The following MTA3 variants were observed in gnomAD, a reference collection of about 807,000 sequenced individuals.
MTA3 encodes the protein metastasis associated 1 family member 3.
MTA3 carries 34 observed loss-of-function variants against 83.5 expected under a neutral mutation model. That is an observed-to-expected ratio of 0.41 (90% CI 0.31 to 0.54). MTA3 has a LOEUF of 0.54. Among genes scored for constraint, MTA3 ranks in the 20% least tolerant of loss-of-function variants. The probability of loss-of-function intolerance (pLI) is 0.33; values close to 1 mark genes in which losing one functional copy is unlikely to be tolerated. For synonymous variants in MTA3, 303 were observed against 252.7 expected, an observed-to-expected ratio of 1.20 and a Z score of -1.89; for missense variants, 761 against 726.4, an observed-to-expected ratio of 1.05 and a Z score of -0.55.
chr2:42,538,242 A>G (rs995045806), intron 2 of MTA3, among the ~76,000 whole-genome samples: 5 of 152,246 alleles, frequency 3.3e-5, no homozygotes, highest in South Asian at 4.1e-4. Flanking sequence ...CGAAAAATAA[A>G]TAAATAAAAT....
At chr2:42,638,660 A>G (rs1687412625) in intron 4 of MTA3, among the ~76,000 whole-genome samples, 1 of 151,862 alleles carries the variant, frequency 6.6e-6, no homozygotes, top group Non-Finnish European at 1.5e-5. Context: ...AGCTGGGCAC[A>G]ATTGTTGTCT....
intron 2 of MTA3, among the ~76,000 whole-genome samples, chr2:42,548,829 A>AATAT (rs71327611): frequency 1.2e-4 from 1 of 8,586 alleles, no homozygotes; most frequent in African/African-American, 2.9e-4. Flanking sequence ...ATATATATAT[A>AATAT]ATATATATAT....
At chr2:42,501,910 A>G (rs565537836) in intron 2 of MTA3, among the ~76,000 whole-genome samples, 1 of 152,272 alleles carries the variant, frequency 6.6e-6, no homozygotes, top group Admixed American at 6.5e-5. Context: ...CCTGGTAGAC[A>G]GAGGTTGAGG....
intron 2 of MTA3, among the ~76,000 whole-genome samples, chr2:42,517,802 C>G (rs1224380149): frequency 6.8e-6 from 1 of 147,110 alleles, no homozygotes; most frequent in African/African-American, 2.5e-5. Flanking sequence ...TTGCTTGAAC[C>G]CAGGAGTCAG....
At chr2:42,681,185 T>C (rs1238494374) in intron 8 of MTA3, among the ~76,000 whole-genome samples, 1 of 152,244 alleles carries the variant, frequency 6.6e-6, no homozygotes, top group Non-Finnish European at 1.5e-5. Flanking sequence ...CCTTGAAATA[T>C]ATAAGAAAAC....
chr2:42,518,095 C>T (rs1435353399), intron 2 of MTA3, among the ~76,000 whole-genome samples: 5 of 151,472 alleles, frequency 3.3e-5, no homozygotes, highest in East Asian at 2.0e-4. Flanking sequence ...GCAGGAGAAT[C>T]GCTTGAACCC....
At chr2:42,536,352 G>T (rs1437297811) in intron 2 of MTA3, among the ~76,000 whole-genome samples, 1 of 152,112 alleles carries the variant, frequency 6.6e-6, no homozygotes, top group East Asian at 1.9e-4. Context: ...GCACATGCCT[G>T]TAATTCTAGC....
Position 42,686,163 on chromosome 2 carries a change from C to A in MTA3, c.891+3574C>A, listed in dbSNP as rs1168452614. Reference sequence around the variant, plus strand: ...ATTGATTATTTTCTGCTTCCAGTGTCTTAGTTTTCCCAAGTGAATGCATAT... The same window carrying A: ...ATTGATTATTTTCTGCTTCCAGTGTATTAGTTTTCCCAAGTGAATGCATAT... On this transcript the variant is annotated intron_variant, in intron 9 of 16. Transcript: ENST00000405094. Among the ~76,000 whole-genome samples the A allele has an allele frequency of 3.9e-5, 6 of 152,238 alleles. No homozygotes were observed. In the East Asian group the frequency reaches 1.2e-3, roughly 29 times the overall value.
intron 15 of MTA3, among the ~76,000 whole-genome samples, chr2:42,719,289 AC>A (rs1667243520): frequency 6.6e-6 from 1 of 152,152 alleles, no homozygotes; most frequent in Admixed American, 6.6e-5. Flanking sequence ...ATATATGTCT[AC>A]TTTTTCCAAA....
At chr2:42,705,475 C>T (rs537405061) in intron 12 of MTA3, among the ~76,000 whole-genome samples, 16 of 151,958 alleles carry the variant, frequency 1.1e-4, no homozygotes, top group African/African-American at 2.4e-4. Context: ...GAGGCTGAGG[C>T]GGGTGAATCA....
intron 2 of MTA3, among the ~76,000 whole-genome samples, chr2:42,576,957 G>A (rs1439918418): frequency 6.6e-6 from 1 of 151,104 alleles, no homozygotes; most frequent in Non-Finnish European, 1.5e-5. Context: ...ACTTTGTTCT[G>A]ATAGATAAGC....
At chr2:42,716,566 G>C (rs1185425575) in intron 14 of MTA3, among the ~76,000 whole-genome samples, 1 of 152,182 alleles carries the variant, frequency 6.6e-6, no homozygotes, top group Non-Finnish European at 1.5e-5. Flanking sequence ...CGACTCATAA[G>C]TGAGAACATG....
chr2:42,501,191 G>A (rs1276369859), intron 2 of MTA3, among the ~76,000 whole-genome samples: 3 of 152,124 alleles, frequency 2.0e-5, no homozygotes, highest in Non-Finnish European at 4.4e-5. Context: ...TTTAGGGGTG[G>A]CAAACTATGG....
intron 3 of MTA3, among the ~76,000 whole-genome samples, chr2:42,587,752 C>T (rs1680514019): frequency 6.6e-6 from 1 of 152,014 alleles, no homozygotes; most frequent in Non-Finnish European, 1.5e-5. Context: ...CAGGCGTGCC[C>T]CACCACACCC....
At chr2:42,551,085 A>AAATTAATT (rs1362776534) in intron 2 of MTA3, among the ~76,000 whole-genome samples, 2 of 150,298 alleles carry the variant, frequency 1.3e-5, no homozygotes, top group Non-Finnish European at 3.0e-5. Context: ...ATAAATAAAT[A>AAATTAATT]AATTAAAATT....
intron 4 of MTA3, among the ~76,000 whole-genome samples, chr2:42,638,730 A>G (rs1320928494): frequency 6.7e-6 from 1 of 150,344 alleles, no homozygotes; most frequent in Non-Finnish European, 1.5e-5. Context: ...TGCTTCACTA[A>G]TCTACTTGAA....
intron 3 of MTA3, among the ~76,000 whole-genome samples, chr2:42,602,150 A>AT (rs992644457): frequency 1.1e-4 from 17 of 151,810 alleles, no homozygotes; most frequent in Non-Finnish European, 1.9e-4. Context: ...TAATTTTTGT[A>AT]TTTTTTTGTA....
intron 11 of MTA3, chr2:42,703,936 C>T (rs181505155): frequency 1.0e-5 from 3 of 291,586 alleles, no homozygotes; most frequent in Non-Finnish European, 1.9e-5. Flanking sequence ...AAATTGTATT[C>T]GGACCAGAAA....
At chr2:42,579,994 A>G (rs564013514) in intron 3 of MTA3, among the ~76,000 whole-genome samples, 1 of 152,110 alleles carries the variant, frequency 6.6e-6, no homozygotes, top group African/African-American at 2.4e-5. Context: ...CAGGCTGGAG[A>G]GTGCAGTGGC....
Sources: allele counts gnomAD v4.1 joint callset (sites outside exome capture counted in the v4.1 genomes callset), GRCh38; gene constraint gnomAD v4.1.1; transcripts MANE v1.5; gene names NCBI Gene and HGNC (gene_info 2026-07-23, HGNC 2026-07-21).